OPHN1: variants seen among roughly 807,000 people sequenced by gnomAD.
The protein encoded by OPHN1 is oligophrenin 1.
A neutral mutation model predicts 60.7 loss-of-function variants in OPHN1; 11 were observed. The ratio of observed to expected loss-of-function variants is 0.18; its 90% CI spans 0.11 to 0.30. The LOEUF (loss-of-function observed/expected upper bound fraction) is 0.30. Ranked by LOEUF, OPHN1 falls within the 10% of genes least tolerant of loss-of-function variation. The probability of loss-of-function intolerance (pLI) is 1.00; values close to 1 mark genes in which losing one functional copy is unlikely to be tolerated. For synonymous variants in OPHN1, 226 were observed against 222.6 expected (o/e 1.02, Z -0.14); for missense variants, 449 against 611.0 (o/e 0.73, Z 2.80).
intron 6 of OPHN1, among the ~76,000 whole-genome samples, chrX:68,216,589 T>A: frequency 9.1e-6 from 1 of 110,255 alleles, no homozygotes; most frequent in African/African-American, 3.3e-5. Flanking sequence ...TAAAAAAAAA[T>A]TACTAAGACA....
intron 23 of OPHN1, among the ~76,000 whole-genome samples, chrX:68,049,192 T>TGTATACATACATCCA (rs1382770910): frequency 1.8e-5 from 2 of 111,794 alleles, no homozygotes; most frequent in Non-Finnish European, 3.8e-5. Flanking sequence ...CCCAAATCTA[T>TGTATACATACATCCA]GTATACATAC....
chrX:68,290,131 G>T (rs1049812256), intron 3 of OPHN1, among the ~76,000 whole-genome samples: 3 of 110,984 alleles, frequency 2.7e-5, no homozygotes, highest in Non-Finnish European at 3.8e-5. Flanking sequence ...GTGCATATAT[G>T]TATAAATTTT....
intron 15 of OPHN1, among the ~76,000 whole-genome samples, chrX:68,121,325 G>A (rs1338482381): frequency 8.9e-6 from 1 of 111,956 alleles, no homozygotes; most frequent in African/African-American, 3.2e-5. Context: ...TAAAAAATGG[G>A]TAAGAAAATA....
chrX:68,187,354 C>CA (rs1283258359), intron 15 of OPHN1, among the ~76,000 whole-genome samples: 1 of 110,577 alleles, frequency 9.0e-6, no homozygotes, highest in Non-Finnish European at 1.9e-5. Flanking sequence ...TGAATGTAAT[C>CA]ACAAGGGTCC....
chrX:68,166,395 G>T (rs775540281), intron 15 of OPHN1, among the ~76,000 whole-genome samples: 40 of 110,315 alleles, frequency 3.6e-4, no homozygotes, highest in African/African-American at 1.2e-3. Context: ...TTAGCTGGGC[G>T]TGGTGGCGGG....
At chrX:68,230,913 TA>T (rs931784338) in intron 6 of OPHN1, among the ~76,000 whole-genome samples, 6 of 109,367 alleles carry the variant, frequency 5.5e-5, no homozygotes, top group Admixed American at 9.8e-5. Flanking sequence ...TAAAGTATAA[TA>T]AAAAAAAGAA....
At chrX:68,279,624 C>A (rs191949838) in intron 4 of OPHN1, among the ~76,000 whole-genome samples, 48 of 111,332 alleles carry the variant, frequency 4.3e-4, no homozygotes, top group African/African-American at 1.5e-3. Context: ...ACTAAATTAT[C>A]CAGACTGGGG....
At chrX:68,394,138 G>A (rs779240858) in intron 2 of OPHN1, among the ~76,000 whole-genome samples, 5 of 109,413 alleles carry the variant, frequency 4.6e-5, no homozygotes, top group Admixed American at 3.0e-4. Context: ...CTCGTGATCC[G>A]CCCGCCTCGG....
At chrX:68,069,333 A>C (rs896990066) in intron 20 of OPHN1, among the ~76,000 whole-genome samples, 2 of 111,839 alleles carry the variant, frequency 1.8e-5, no homozygotes, top group Non-Finnish European at 3.8e-5. Flanking sequence ...AGTAAAAAAA[A>C]CAAGTGGCCA....
chrX:68,334,510 T>C (rs1295344079), intron 2 of OPHN1, among the ~76,000 whole-genome samples: 3 of 111,874 alleles, frequency 2.7e-5, no homozygotes, highest in Non-Finnish European at 5.6e-5. Flanking sequence ...GTTTGATCTT[T>C]GTGTACTTAC....
intron 2 of OPHN1, among the ~76,000 whole-genome samples, chrX:68,317,376 A>AAAGAAAGAAAGAAAGAAAGGAAGG (rs1555970490): frequency 4.7e-4 from 24 of 50,552 alleles, no homozygotes; most frequent in African/African-American, 7.5e-4. Context: ...AGAAAGAAAG[A>AAAGAAAGAAAGAAAGAAAGGAAGG]AAGGAAGGAA....
chrX:68,265,095 C>A (rs1420771098), intron 5 of OPHN1, among the ~76,000 whole-genome samples: 1 of 112,696 alleles, frequency 8.9e-6, no homozygotes, highest in Non-Finnish European at 1.9e-5. Flanking sequence ...TAGACTCCAC[C>A]TCTGGGGGCA....
intron 16 of OPHN1, among the ~76,000 whole-genome samples, chrX:68,117,793 T>C (rs1426706609): frequency 9.0e-6 from 1 of 111,587 alleles, no homozygotes; most frequent in Non-Finnish European, 1.9e-5. Flanking sequence ...TACAGAACCA[T>C]GGATGAGAGT....
intron 15 of OPHN1, among the ~76,000 whole-genome samples, chrX:68,171,305 A>G (rs1201357020): frequency 9.0e-6 from 1 of 111,586 alleles, no homozygotes; most frequent in African/African-American, 3.2e-5. Flanking sequence ...AAATGAAAAC[A>G]TATATATTGA....
intron 5 of OPHN1, among the ~76,000 whole-genome samples, chrX:68,257,751 C>T (rs983872966): frequency 2.2e-4 from 24 of 111,135 alleles, no homozygotes; most frequent in Admixed American, 6.8e-4. Flanking sequence ...AGTAGCTACA[C>T]GTTGCTAGAA....
chrX:68,129,422 C>T (rs1279790649), intron 15 of OPHN1, among the ~76,000 whole-genome samples: 1 of 111,561 alleles, frequency 9.0e-6, no homozygotes, highest in Non-Finnish European at 1.9e-5. Flanking sequence ...CATGATGAGG[C>T]CTGGCAGTTT....
chrX:68,428,619 T>C (rs1044439419), intron 2 of OPHN1, among the ~76,000 whole-genome samples: 3 of 112,448 alleles, frequency 2.7e-5, no homozygotes, highest in Admixed American at 1.9e-4. Flanking sequence ...CAAGTATGTA[T>C]TGAATGAATA....
At chrX:68,168,244 T>A (rs1004111341) in intron 15 of OPHN1, among the ~76,000 whole-genome samples, 1 of 110,758 alleles carries the variant, frequency 9.0e-6, no homozygotes, top group African/African-American at 3.3e-5. Context: ...ATTGAACACA[T>A]AGTTGGAAAT....
At chrX:68,161,074 T>C (rs1433990473) in intron 15 of OPHN1, among the ~76,000 whole-genome samples, 1 of 110,532 alleles carries the variant, frequency 9.0e-6, no homozygotes, top group African/African-American at 3.3e-5. Context: ...AGAACATTAC[T>C]ACCAACCTTA....
Sources: gnomAD v4.1 joint callset for allele counts (sites outside exome capture counted in the v4.1 genomes callset) on GRCh38, gnomAD v4.1.1 for gene constraint, MANE v1.5 for transcripts, NCBI Gene and HGNC (gene_info 2026-07-23, HGNC 2026-07-21) for gene names.